The following MCC variants were observed in gnomAD, a reference collection of about 807,000 sequenced individuals.
The protein encoded by MCC is MCC regulator of Wnt signaling pathway.
Under a neutral mutation model 116.2 loss-of-function variants are expected in MCC, and 90 were observed. That is an observed-to-expected ratio of 0.77 (90% CI 0.65 to 0.92). MCC has a LOEUF of 0.92. Among genes scored for constraint, MCC ranks in the 40% least tolerant of loss-of-function variants. MCC has a pLI of 0.00. For synonymous variants in MCC, 578 were observed against 510.5 expected, an observed-to-expected ratio of 1.13 and a Z score of -1.78; for missense variants, 1,516 against 1,312.2, an observed-to-expected ratio of 1.16 and a Z score of -2.40.
chr5:113,074,931 G>A (rs7728921), intron 11 of MCC, among the ~76,000 whole-genome samples: 51,133 of 151,554 alleles, frequency 0.34, 8,612 homozygotes, highest in Middle Eastern at 0.38. Flanking sequence ...TTGGCACCTC[G>A]TCGGCCTCGG....
intron 3 of MCC, among the ~76,000 whole-genome samples, chr5:113,326,228 T>C (rs1767548550): frequency 6.6e-6 from 1 of 152,198 alleles, no homozygotes; most frequent in South Asian, 2.1e-4. Context: ...TTATTTCCGG[T>C]TCCACAGCAA....
intron 5 of MCC, among the ~76,000 whole-genome samples, chr5:113,136,022 G>A (rs1376123671): frequency 6.6e-6 from 1 of 152,006 alleles, no homozygotes; most frequent in Non-Finnish European, 1.5e-5. Flanking sequence ...TCCAGCCCAG[G>A]CAACAAAGCA....
chr5:113,180,792 A>G lies in MCC; in HGVS notation c.628-29370T>C, dbSNP rs918032868. Among the ~76,000 whole-genome samples the G allele has an allele frequency of 6.6e-5, 10 of 152,312 alleles. No homozygotes were observed. In the East Asian group the frequency reaches 1.9e-3, roughly 29 times the overall value. ...CTATCTGGATGTGGGATTTAAGGTAATTTTTATTTTAATATTTTTCTGACT... is the reference window on the plus strand; with the variant it reads ...CTATCTGGATGTGGGATTTAAGGTAGTTTTTATTTTAATATTTTTCTGACT... On this transcript the variant is annotated intron_variant, in intron 3 of 18. Coordinates refer to ENST00000408903, the MANE Select transcript of MCC (RefSeq NM_001085377.2).
chr5:113,079,246 G>C (rs969745023), intron 11 of MCC, among the ~76,000 whole-genome samples: 1 of 152,202 alleles, frequency 6.6e-6, no homozygotes, highest in African/African-American at 2.4e-5. Flanking sequence ...GCAATTTATA[G>C]ATTCAATGCC....
chr5:113,068,944 T>C (rs1365847809), intron 12 of MCC, among the ~76,000 whole-genome samples: 2 of 152,230 alleles, frequency 1.3e-5, no homozygotes, highest in African/African-American at 4.8e-5. Context: ...AGTAAGTGAT[T>C]AGTCATACAA....
chr5:113,064,145 G>C lies in MCC; in HGVS notation c.2052C>G (p.Asn684Lys), dbSNP rs370600826. 1 of 1,613,136 alleles carries C rather than the reference G, an allele frequency of 6.2e-7. No individual in the cohort carries two copies. Among genetic ancestry groups the C allele is most frequent in the Non-Finnish European group, 8.5e-7 (1 of 1,179,438 alleles). Reference protein sequence around the residue: ...SSPGDQSGDENITQMLKRAHD... With the variant: ...SSPGDQSGDEKITQMLKRAHD... ...GAGCTCGCTTGAGCATCTGAGTGAT[G>C]TTTTCATCCCCCGACTGGTCTCCTA... The change falls in exon 14 of 19, where the codon AAC becomes AAG. Residue 684 changes from asparagine (N) to lysine (K), a missense_variant. By Grantham distance (94) the Asn-to-Lys change is moderately conservative. Coordinates refer to ENST00000408903, the MANE Select transcript of MCC (RefSeq NM_001085377.2).
chr5:113,245,161 T>C (rs1426876166), intron 3 of MCC, among the ~76,000 whole-genome samples: 1 of 152,052 alleles, frequency 6.6e-6, no homozygotes. Flanking sequence ...TGGTGGCATG[T>C]GCCTGTAATC....
At chr5:113,321,740 C>T (rs1012365657) in intron 3 of MCC, among the ~76,000 whole-genome samples, 1 of 152,200 alleles carries the variant, frequency 6.6e-6, no homozygotes, top group Non-Finnish European at 1.5e-5. Flanking sequence ...GTTTCTCAAA[C>T]TTTAGAGTGA....
At chr5:113,171,376 G>A (rs1761064101) in intron 3 of MCC, among the ~76,000 whole-genome samples, 1 of 151,382 alleles carries the variant, frequency 6.6e-6, no homozygotes, top group Admixed American at 6.6e-5. Flanking sequence ...TAATTTTTGA[G>A]ACAGAGTGTC....
intron 3 of MCC, among the ~76,000 whole-genome samples, chr5:113,224,249 C>G (rs190226809): frequency 6.6e-6 from 1 of 152,056 alleles, no homozygotes; most frequent in Non-Finnish European, 1.5e-5. Flanking sequence ...CGCGCGACCA[C>G]ATCCGGCTAA....
intron 4 of MCC, 61 bp downstream of exon 4, chr5:113,151,248 T>TAA: frequency 1.0e-6 from 1 of 997,256 alleles, no homozygotes. Context: ...TGTTTTATCT[T>TAA]AAGATTAAAT....
intron 3 of MCC, among the ~76,000 whole-genome samples, chr5:113,275,119 C>T (rs1019534924): frequency 2.6e-5 from 4 of 152,234 alleles, no homozygotes; most frequent in African/African-American, 7.2e-5. Context: ...GCCAGTCCAT[C>T]GCGCGGGTGG....
intron 4 of MCC, 60 bp from the exon 5 acceptor site, chr5:113,143,420 T>G: frequency 6.4e-7 from 1 of 1,574,446 alleles, no homozygotes; most frequent in Non-Finnish European, 8.7e-7. Flanking sequence ...AGGTGGATGA[T>G]TCCAAGCTTT....
chr5:113,048,942 G>A (rs752744211), intron 16 of MCC, 151 bp downstream of exon 16: 15 of 698,942 alleles, frequency 2.1e-5, no homozygotes, highest in Non-Finnish European at 3.7e-5. Flanking sequence ...CACTCAAAAT[G>A]TCACCTTCTT....
chr5:113,197,759 A>G (rs1762483838), intron 3 of MCC, among the ~76,000 whole-genome samples: 1 of 152,258 alleles, frequency 6.6e-6, no homozygotes, highest in African/African-American at 2.4e-5. Context: ...GTTGAGAAGA[A>G]AAGGAGGCAG....
At chr5:113,284,301 A>AGG (rs1465546158) in intron 3 of MCC, among the ~76,000 whole-genome samples, 1 of 152,208 alleles carries the variant, frequency 6.6e-6, no homozygotes, top group African/African-American at 2.4e-5. Context: ...AGACTGCATT[A>AGG]CTGTACTCCA....
rs192351384 is a variant in MCC, at chr5:113,177,379, G to T, written c.628-25957C>A. 8.8e-4 allele frequency among the ~76,000 whole-genome samples: 134 copies of T among 152,286 alleles called. 1 individual carries two copies. The highest frequency in any genetic ancestry group is 1.7e-3 in the Non-Finnish European group (117 of 68,022). Reference sequence around the variant, plus strand: ...CTCTAACATGGGAACTATGATAAAAGCTAAACCAGGCGTTGGAGGTCATTG... The same window carrying T: ...CTCTAACATGGGAACTATGATAAAATCTAAACCAGGCGTTGGAGGTCATTG... On this transcript the variant is annotated intron_variant, in intron 3 of 18. Coordinates refer to ENST00000408903, the MANE Select transcript of MCC (RefSeq NM_001085377.2).
chr5:113,225,401 T>C (rs1181441083), intron 3 of MCC, among the ~76,000 whole-genome samples: 1 of 152,196 alleles, frequency 6.6e-6, no homozygotes, highest in East Asian at 1.9e-4. Context: ...GTCAAGATTC[T>C]CTTCTTCAAC....
intron 11 of MCC, among the ~76,000 whole-genome samples, chr5:113,082,201 A>G (rs1165063192): frequency 6.6e-6 from 1 of 152,280 alleles, no homozygotes; most frequent in Admixed American, 6.5e-5. Flanking sequence ...AAAAGAATCC[A>G]TAAAATGGGG....
Sources: gnomAD v4.1 joint callset for allele counts (sites outside exome capture counted in the v4.1 genomes callset) on GRCh38, gnomAD v4.1.1 for gene constraint, MANE v1.5 for transcripts, NCBI Gene and HGNC (gene_info 2026-07-23, HGNC 2026-07-21) for gene names.